Variants in PI4KA observed in about 807,000 individuals in gnomAD.
PI4KA encodes phosphatidylinositol 4-kinase alpha, also known as PI4-kinase alpha.
PI4KA carries 122 observed loss-of-function variants against 271.4 expected under a neutral mutation model. The observed-to-expected ratio is 0.45, with a 90% confidence interval of 0.39 to 0.52. PI4KA has a LOEUF of 0.52. Ranked by LOEUF, PI4KA falls within the 20% of genes least tolerant of loss-of-function variation. The pLI, the probability that PI4KA is intolerant of heterozygous loss-of-function variation, is 0.00. For missense variants in PI4KA, 1,969 were observed against 2,769.1 expected (o/e 0.71, Z 6.48); for synonymous variants, 1,041 against 1,078.8 (o/e 0.96, Z 0.69).
intron 29 of PI4KA, among the ~76,000 whole-genome samples, chr22:20,745,262 ACT>A (rs1367747821): frequency 1.3e-5 from 2 of 151,984 alleles, no homozygotes; most frequent in East Asian, 1.9e-4. Context: ...CCCTCCAGCC[ACT>A]CTCTCTGCTT....
intron 36 of PI4KA, among the ~76,000 whole-genome samples, 177 bp from the exon 37 acceptor site, chr22:20,730,188 A>C (rs1410876433): frequency 6.6e-6 from 1 of 152,254 alleles, no homozygotes; most frequent in Non-Finnish European, 1.5e-5. Context: ...CAAAAGCATG[A>C]GAAGTTCTTT....
At chr22:20,858,450 C>T in intron 1 of PI4KA, 120 bp downstream of exon 1, 1 of 706,980 alleles carries the variant, frequency 1.4e-6, no homozygotes, top group East Asian at 3.5e-5. Context: ...CAGGCGCCCC[C>T]TCCCGCACAG....
intron 9 of PI4KA, among the ~76,000 whole-genome samples, chr22:20,810,346 A>T (rs1935923046): frequency 2.0e-5 from 3 of 152,050 alleles, no homozygotes; most frequent in Admixed American, 2.0e-4. Context: ...CTCTACTAAA[A>T]AATACAAAAA....
chr22:20,801,132 C>T (rs1407912238), intron 14 of PI4KA, among the ~76,000 whole-genome samples: 1 of 149,878 alleles, frequency 6.7e-6, no homozygotes. Flanking sequence ...CCTCATGATC[C>T]ACCTGCCTCG....
rs1480078089 is a variant in PI4KA, at chr22:20,820,541, T to C, written c.527A>G (p.Lys176Arg). 1.9e-6 allele frequency: 3 copies of C among 1,600,942 alleles called. No homozygotes were observed. Among genetic ancestry groups the C allele is most frequent in the Admixed American group, 3.4e-5 (2 of 58,770 alleles). ...AAAAACCTTAAGGATACTCGTACCT[T>C]TGTCTTGAATCTCCAAGGCCTGGCA... ...GMCQALEIQD[K>R]EYLCKYAIPC... The change falls in exon 5 of 55, where the codon AAA becomes AGA. Residue 176 changes from lysine (K) to arginine (R), a missense_variant and splice_region_variant. Coordinates refer to ENST00000255882, the MANE Select transcript of PI4KA (RefSeq NM_058004.4).
chr22:20,716,322 G>A (rs1926002793), intron 45 of PI4KA, among the ~76,000 whole-genome samples: 4 of 152,234 alleles, frequency 2.6e-5, no homozygotes, highest in Admixed American at 2.6e-4. Context: ...AAAGTGCTGG[G>A]ATTACAGGCA....
chr22:20,714,974 C>T lies in PI4KA; in HGVS notation c.5318-274G>A, dbSNP rs575552928. On this transcript the variant is annotated intron_variant, in intron 45 of 54. Coordinates refer to ENST00000255882, the MANE Select transcript of PI4KA (RefSeq NM_058004.4). ...TTCCTGGAGGAGCACTGAGCCCCAT[C>T]CTCACGGATACAGCCCTACTGCTTC... Among the ~76,000 whole-genome samples, 6 of 152,342 alleles carry T rather than the reference C, an allele frequency of 3.9e-5. No homozygotes were observed. The South Asian group carries it at 1.2e-3, about 32-fold the overall frequency.
chr22:20,750,761 T>A (rs779317356), intron 27 of PI4KA, among the ~76,000 whole-genome samples: 4 of 152,174 alleles, frequency 2.6e-5, no homozygotes, highest in Non-Finnish European at 5.9e-5. Flanking sequence ...CTGAAGGAGC[T>A]GTGAGCTGAG....
intron 9 of PI4KA, among the ~76,000 whole-genome samples, chr22:20,810,458 G>A (rs1412220956): frequency 1.3e-5 from 2 of 151,380 alleles, no homozygotes; most frequent in African/African-American, 2.4e-5. Flanking sequence ...GCAGTGAGCC[G>A]AGATTGCGCC....
intron 13 of PI4KA, among the ~76,000 whole-genome samples, 199 bp from the exon 14 acceptor site, chr22:20,802,304 T>C (rs1935378662): frequency 1.3e-5 from 2 of 152,182 alleles, no homozygotes; most frequent in African/African-American, 4.8e-5. Context: ...AAAGGAAGAA[T>C]ATTCAAGTTA....
intron 4 of PI4KA, among the ~76,000 whole-genome samples, chr22:20,823,009 G>C (rs1366996422): frequency 6.6e-6 from 1 of 152,108 alleles, no homozygotes; most frequent in Non-Finnish European, 1.5e-5. Context: ...TGCCTCCCAG[G>C]TTCAAGTGAT....
At chr22:20,821,922 G>A (rs545835108) in intron 4 of PI4KA, among the ~76,000 whole-genome samples, 18 of 152,296 alleles carry the variant, frequency 1.2e-4, no homozygotes, top group East Asian at 3.9e-4. Flanking sequence ...AGGCTGAAGC[G>A]GGTGGATCAG....
chr22:20,858,064 C>T (rs1438912466), intron 1 of PI4KA, among the ~76,000 whole-genome samples: 5 of 152,198 alleles, frequency 3.3e-5, no homozygotes, highest in Non-Finnish European at 2.9e-5. Context: ...AAAGCACTTT[C>T]AAGACAGTGT....
At chr22:20,729,732 C>A (rs753789446) in intron 37 of PI4KA, 21 bp from the exon 38 acceptor site, 2 of 1,585,740 alleles carry the variant, frequency 1.3e-6, no homozygotes, top group South Asian at 1.1e-5. Flanking sequence ...AGACAAAGCA[C>A]AGGTGTAGTC....
intron 4 of PI4KA, among the ~76,000 whole-genome samples, chr22:20,821,969 G>T (rs165603): frequency 0.49 from 73,885 of 152,050 alleles, 18,448 homozygotes; most frequent in African/African-American, 0.58. Context: ...GGGCAAAGTA[G>T]CAAAACCCTG....
chr22:20,830,740 T>C (rs191220220), intron 3 of PI4KA, among the ~76,000 whole-genome samples: 1 of 152,294 alleles, frequency 6.6e-6, no homozygotes, highest in African/African-American at 2.4e-5. Flanking sequence ...GTGTCACTAG[T>C]CTAGGTACTT....
chr22:20,733,641 T>A, intron 35 of PI4KA, 95 bp downstream of exon 35: 1 of 1,601,574 alleles, frequency 6.2e-7, no homozygotes, highest in Non-Finnish European at 8.5e-7. Context: ...CAACTGTGTA[T>A]TCCTGTGAGT....
intron 18 of PI4KA, among the ~76,000 whole-genome samples, chr22:20,793,748 C>T (rs1263514671): frequency 6.6e-6 from 1 of 152,170 alleles, no homozygotes; most frequent in Non-Finnish European, 1.5e-5. Context: ...TGTATCTTTT[C>T]TAAAATAAAC....
chr22:20,707,979 C>A lies in PI4KA; in HGVS notation c.*68G>T. 7.4e-7 allele frequency: 1 copy of A among 1,356,110 alleles called. No homozygotes were observed. The highest frequency in any genetic ancestry group is 1.1e-6 in the Non-Finnish European group (1 of 945,558). 84.0% of individuals were successfully genotyped at this position (1,356,110 alleles called of 1,614,324 possible). ...GCATGTGGCGGCAGGGCAGGGAGGTCGCAGGGCTCCATGATTGTGGGACAG... is the reference window on the plus strand; with the variant it reads ...GCATGTGGCGGCAGGGCAGGGAGGTAGCAGGGCTCCATGATTGTGGGACAG... On this transcript the variant is annotated 3_prime_UTR_variant, in exon 55 of 55. Transcript: ENST00000255882.
Sources: allele counts gnomAD v4.1 joint callset (sites outside exome capture counted in the v4.1 genomes callset), GRCh38; gene constraint gnomAD v4.1.1; transcripts MANE v1.5; gene names NCBI Gene and HGNC (gene_info 2026-07-23, HGNC 2026-07-21).